Variants in PKHD1 observed in about 807,000 individuals in gnomAD.
PKHD1 encodes fibrocystin.
PKHD1 carries 291 observed loss-of-function variants against 412.0 expected under a neutral mutation model. The ratio of observed to expected loss-of-function variants is 0.71; its 90% CI spans 0.64 to 0.78. The LOEUF (loss-of-function observed/expected upper bound fraction) is 0.78. PKHD1 is among the 30% of genes least tolerant of loss of function. The probability of loss-of-function intolerance (pLI) is 0.00; values close to 1 mark genes in which losing one functional copy is unlikely to be tolerated. For synonymous variants in PKHD1, 1,777 were observed against 1,821.5 expected (o/e 0.98, Z 0.62); for missense variants, 4,825 against 4,950.7 (o/e 0.97, Z 0.76).
intron 52 of PKHD1, among the ~76,000 whole-genome samples, chr6:51,817,153 G>A (rs546573238): frequency 5.1e-5 from 1 of 19,672 alleles, no homozygotes; most frequent in Non-Finnish European, 3.1e-3. Flanking sequence ...GTTTTTTGAG[G>A]GGTTTTTTTT....
intron 61 of PKHD1, among the ~76,000 whole-genome samples, chr6:51,657,537 CA>C (rs143481415): frequency 0.021 from 3,148 of 152,152 alleles, 56 homozygotes; most frequent in Non-Finnish European, 0.034. Flanking sequence ...CACATTCCAA[CA>C]CAAAATCAAT....
chr6:51,652,402 C>G (rs191994735), intron 61 of PKHD1, among the ~76,000 whole-genome samples: 65 of 152,192 alleles, frequency 4.3e-4, no homozygotes, highest in African/African-American at 1.6e-3. Context: ...AACTGGCTCT[C>G]AACAAGACCT....
intron 28 of PKHD1, among the ~76,000 whole-genome samples, chr6:52,033,690 A>T (rs967826904): frequency 6.6e-6 from 1 of 152,002 alleles, no homozygotes; most frequent in Non-Finnish European, 1.5e-5. Context: ...GAAAGCAATC[A>T]AAGTAAGTAC....
chr6:51,984,892 C>T (rs762095861), intron 35 of PKHD1, among the ~76,000 whole-genome samples: 10 of 151,984 alleles, frequency 6.6e-5, no homozygotes, highest in Non-Finnish European at 1.0e-4. Context: ...GAGAAAACGT[C>T]CAAGGATGGT....
At chr6:51,657,175 G>T (rs566576589) in intron 61 of PKHD1, among the ~76,000 whole-genome samples, 7 of 151,616 alleles carry the variant, frequency 4.6e-5, no homozygotes, top group Admixed American at 1.3e-4. Context: ...CTGGCTTAAG[G>T]TCAGTTCATG....
chr6:51,674,893 ACAATAGC>A (rs1419640037), intron 60 of PKHD1, among the ~76,000 whole-genome samples: 3 of 152,206 alleles, frequency 2.0e-5, no homozygotes, highest in Admixed American at 2.0e-4. Context: ...TTTAGCAAAG[ACAATAGC>A]CTAGGGATTA....
chr6:52,010,899 A>G (rs1312335608), intron 34 of PKHD1, among the ~76,000 whole-genome samples: 1 of 152,008 alleles, frequency 6.6e-6, no homozygotes, highest in African/African-American at 2.4e-5. Context: ...GAATCCCCCT[A>G]GGGCAGATGG....
At chr6:51,712,821 G>A (rs1347733986) in intron 60 of PKHD1, among the ~76,000 whole-genome samples, 2 of 152,180 alleles carry the variant, frequency 1.3e-5, no homozygotes, top group Non-Finnish European at 2.9e-5. Flanking sequence ...TCATAGTACT[G>A]TTAAAGTAGT....
At chr6:51,918,081 T>C (rs1472028077) in intron 37 of PKHD1, among the ~76,000 whole-genome samples, 2 of 152,096 alleles carry the variant, frequency 1.3e-5, no homozygotes, top group Admixed American at 1.3e-4. Context: ...ATCAGACCTT[T>C]GGAGCAAATG....
intron 52 of PKHD1, among the ~76,000 whole-genome samples, chr6:51,801,547 G>A (rs1762912697): frequency 6.6e-6 from 1 of 151,604 alleles, no homozygotes; most frequent in African/African-American, 2.4e-5. Context: ...AAAATAGGCA[G>A]AAGAGGCAGT....
At chr6:51,924,658 G>A (rs1785240870) in intron 37 of PKHD1, among the ~76,000 whole-genome samples, 1 of 152,212 alleles carries the variant, frequency 6.6e-6, no homozygotes, top group Non-Finnish European at 1.5e-5. Flanking sequence ...TGGAGATAGA[G>A]AGAAGGATAT....
chr6:51,836,954 C>T (rs1582957549), intron 50 of PKHD1, among the ~76,000 whole-genome samples: 1 of 152,142 alleles, frequency 6.6e-6, no homozygotes, highest in East Asian at 1.9e-4. Context: ...TCCTATCATC[C>T]AAGCCAACTG....
intron 50 of PKHD1, among the ~76,000 whole-genome samples, chr6:51,840,729 C>T (rs900160153): frequency 3.9e-5 from 6 of 152,138 alleles, no homozygotes; most frequent in Admixed American, 2.0e-4. Flanking sequence ...TGTTTGTTCT[C>T]AGGAGCAGGT....
At chr6:51,975,971 A>AC (rs1562030877) in intron 35 of PKHD1, 2 of 147,532 alleles carry the variant, frequency 1.4e-5, no homozygotes, top group East Asian at 3.9e-4. Flanking sequence ...ATTAAAAAAA[A>AC]AAAAAAAAAA....
chr6:51,972,834 C>A (rs1337113585), intron 35 of PKHD1, among the ~76,000 whole-genome samples: 1 of 152,040 alleles, frequency 6.6e-6, no homozygotes, highest in Non-Finnish European at 1.5e-5. Context: ...AGGTAAACAC[C>A]AAGGTTAAAA....
At chr6:51,739,345 C>T (rs1226205085) in intron 60 of PKHD1, among the ~76,000 whole-genome samples, 1 of 152,012 alleles carries the variant, frequency 6.6e-6, no homozygotes, top group African/African-American at 2.4e-5. Context: ...ATTTTCATCC[C>T]TCAGCCTCCT....
At chr6:51,675,097 G>A (rs187222057) in intron 60 of PKHD1, among the ~76,000 whole-genome samples, 116 of 151,870 alleles carry the variant, frequency 7.6e-4, no homozygotes, top group Non-Finnish European at 1.4e-3. Flanking sequence ...TAATTTTGGC[G>A]TGAGGCAAAA....
At chr6:52,035,807 A>C in intron 27 of PKHD1, 86 bp from the exon 28 acceptor site, 2 of 1,349,870 alleles carry the variant, frequency 1.5e-6, no homozygotes, top group Middle Eastern at 2.0e-4. Flanking sequence ...ATAAAATGAA[A>C]TTAAAATATG....
At chr6:52,009,876 C>A (rs1026997090) in intron 35 of PKHD1, among the ~76,000 whole-genome samples, 10 of 152,164 alleles carry the variant, frequency 6.6e-5, no homozygotes, top group Admixed American at 6.5e-4. Flanking sequence ...TCTGCTCCCC[C>A]ATGGCACAGA....
Sources: allele counts gnomAD v4.1 joint callset (sites outside exome capture counted in the v4.1 genomes callset), GRCh38; gene constraint gnomAD v4.1.1; transcripts MANE v1.5; gene names NCBI Gene and HGNC (gene_info 2026-07-23, HGNC 2026-07-21).